The following PDK1 variants were observed in gnomAD, a reference collection of about 807,000 sequenced individuals.
PDK1 encodes [Pyruvate dehydrogenase (acetyl-transferring)] kinase isozyme 1, mitochondrial.
PDK1 carries 39 observed loss-of-function variants against 54.2 expected under a neutral mutation model. That is an observed-to-expected ratio of 0.72 (90% CI 0.56 to 0.94). PDK1 has a LOEUF of 0.94. PDK1 is among the 40% of genes least tolerant of loss of function. The probability of loss-of-function intolerance (pLI) is 0.00; values close to 1 mark genes in which losing one functional copy is unlikely to be tolerated. For missense variants in PDK1, 552 were observed against 566.0 expected (o/e 0.98, Z 0.25); for synonymous variants, 221 against 207.1 (o/e 1.07, Z -0.58).
At chr2:172,640,399 C>T in the PDK1 span, among the ~76,000 whole-genome samples, 1 of 152,146 alleles carries the variant, frequency 6.6e-6, no homozygotes, top group Non-Finnish European at 1.5e-5. Flanking sequence ...CAATACCCAA[C>T]CAAAACTGCC....
chr2:172,616,864 CAA>C, the PDK1 span, among the ~76,000 whole-genome samples: 1 of 152,126 alleles, frequency 6.6e-6, no homozygotes, highest in African/African-American at 2.4e-5. Context: ...AACTTGAAAA[CAA>C]AAGCAGAACA....
chr2:172,685,651 T>C, the PDK1 span, among the ~76,000 whole-genome samples: 1 of 152,194 alleles, frequency 6.6e-6, no homozygotes, highest in African/African-American at 2.4e-5. Flanking sequence ...TAATTGATCA[T>C]TGCAAATATG....
At chr2:172,688,388 A>AT in the PDK1 span, among the ~76,000 whole-genome samples, 1 of 152,032 alleles carries the variant, frequency 6.6e-6, no homozygotes, top group African/African-American at 2.4e-5. Flanking sequence ...ATCCTTAGCA[A>AT]TTAGGTTAAC....
At chr2:172,592,761 A>G (rs564879158) in intron 9 of PDK1, among the ~76,000 whole-genome samples, 174 bp from the exon 10 acceptor site, 2 of 152,354 alleles carry the variant, frequency 1.3e-5, no homozygotes, top group South Asian at 2.1e-4. Flanking sequence ...ACAGTACTCA[A>G]GTAAACCTCA....
intron 8 of PDK1, among the ~76,000 whole-genome samples, chr2:172,574,751 T>C (rs1689484575): frequency 6.6e-6 from 1 of 152,220 alleles, no homozygotes; most frequent in East Asian, 1.9e-4. Context: ...GGAATATAAC[T>C]GATTTTTTTG....
Position 172,600,317 on chromosome 2 carries a change from A to G in PDK1, c.*4348A>G, listed in dbSNP as rs1051916140. On this transcript the variant is annotated 3_prime_UTR_variant, in exon 11 of 11. Coordinates refer to ENST00000282077, the MANE Select transcript of PDK1 (RefSeq NM_002610.5). ...CAGTATGGTATGAAATTATTTGTCC[A>G]AAACTGTACTCCAGAAATGGAGCCC... is the stretch of plus-strand genomic sequence containing the variant. The G allele has an allele frequency of 6.6e-6, 1 of 152,244 alleles. No individual in the cohort carries two copies. Among genetic ancestry groups the G allele is most frequent in the African/African-American group, 2.4e-5 (1 of 41,458 alleles). 9.4% of individuals were successfully genotyped at this position (152,244 alleles called of 1,614,324 possible).
chr2:172,583,924 T>C (rs1364741188), intron 8 of PDK1, among the ~76,000 whole-genome samples: 2 of 152,112 alleles, frequency 1.3e-5, no homozygotes, highest in Admixed American at 1.3e-4. Flanking sequence ...CAATTCAGAT[T>C]CTGTGACAAA....
Position 172,596,053 on chromosome 2 carries a change from G to T in PDK1, c.*84G>T. ...GGTGTTCAGAACTATATTATACCAA[G>T]TACTTTATTTATCGTTTTCACAAAA... On this transcript the variant is annotated 3_prime_UTR_variant, in exon 11 of 11. Coordinates refer to ENST00000282077, the MANE Select transcript of PDK1 (RefSeq NM_002610.5). The T allele has an allele frequency of 1.8e-6, 2 of 1,132,604 alleles. No homozygotes were observed. The highest frequency in any genetic ancestry group is 1.8e-5 in the South Asian group (1 of 54,512). The allele number at this position is 1,132,604 out of a possible 1,614,324, so 70.2% of individuals were successfully genotyped here. A position where few individuals can be genotyped will look rare whatever the true frequency, so the allele number is the denominator to read the frequency against.
At chr2:172,660,231 TTCTCTC>T in the PDK1 span, among the ~76,000 whole-genome samples, 2 of 80,016 alleles carry the variant, frequency 2.5e-5, no homozygotes, top group Non-Finnish European at 4.4e-5. Flanking sequence ...TAAAATTGCT[TTCTCTC>T]TCTCTCTCTC....
chr2:172,590,455 T>C (rs1393546878), intron 9 of PDK1, among the ~76,000 whole-genome samples: 4 of 152,176 alleles, frequency 2.6e-5, no homozygotes, highest in African/African-American at 7.2e-5. Flanking sequence ...GTGGTCTTGC[T>C]TGACCTCAGG....
the PDK1 span, among the ~76,000 whole-genome samples, chr2:172,692,176 G>C: frequency 6.6e-6 from 1 of 152,078 alleles, no homozygotes; most frequent in South Asian, 2.1e-4. Flanking sequence ...CAGATTTCCT[G>C]GCACTGGAAA....
intron 9 of PDK1, among the ~76,000 whole-genome samples, chr2:172,588,821 G>A (rs892010361): frequency 6.6e-6 from 1 of 152,186 alleles, no homozygotes; most frequent in African/African-American, 2.4e-5. Context: ...CACACTGTAA[G>A]TCCGGAGAGG....
chr2:172,700,688 C>T, the PDK1 span, among the ~76,000 whole-genome samples: 11 of 152,216 alleles, frequency 7.2e-5, no homozygotes, highest in Admixed American at 1.3e-4. Flanking sequence ...GCAGAGATCA[C>T]GCCACTGCAC....
chr2:172,622,865 T>TG, the PDK1 span, among the ~76,000 whole-genome samples: 29 of 141,864 alleles, frequency 2.0e-4, no homozygotes, highest in African/African-American at 8.2e-4. Flanking sequence ...ATATGTAATA[T>TG]AATATGATAT....
At chr2:172,680,732 G>A in the PDK1 span, among the ~76,000 whole-genome samples, 1 of 152,062 alleles carries the variant, frequency 6.6e-6, no homozygotes, top group African/African-American at 2.4e-5. Flanking sequence ...TTGAAAACTT[G>A]ACTCCAACAA....
intron 5 of PDK1, among the ~76,000 whole-genome samples, chr2:172,566,422 A>C (rs1237698876): frequency 6.6e-6 from 1 of 151,922 alleles, no homozygotes; most frequent in Non-Finnish European, 1.5e-5. Flanking sequence ...GGGCGTGGTG[A>C]CCCATGCCTA....
At chr2:172,566,966 A>G in intron 6 of PDK1, 33 bp downstream of exon 6, 1 of 1,378,550 alleles carries the variant, frequency 7.3e-7, no homozygotes, top group Non-Finnish European at 1.0e-6. Flanking sequence ...CTCAATAATT[A>G]GTGCTTTGAT....
chr2:172,597,152 G>A lies in PDK1; in HGVS notation c.*1183G>A, dbSNP rs1690940205. Reference sequence around the variant, plus strand: ...GACAGGGTCTCGCTCTTTTGCCCAGGATGGAGTACAGTGGCATGGTCAAGG... The same window carrying A: ...GACAGGGTCTCGCTCTTTTGCCCAGAATGGAGTACAGTGGCATGGTCAAGG... On this transcript the variant is annotated 3_prime_UTR_variant, in exon 11 of 11. Coordinates refer to ENST00000282077, the MANE Select transcript of PDK1 (RefSeq NM_002610.5). 6.6e-6 allele frequency: 1 copy of A among 151,594 alleles called. No individual in the cohort carries two copies. Among genetic ancestry groups the A allele is most frequent in the Non-Finnish European group, 1.5e-5 (1 of 67,974 alleles). The allele number at this position is 151,594 out of a possible 1,614,324, so 9.4% of individuals were successfully genotyped here.
At chr2:172,712,144 T>G in the PDK1 span, among the ~76,000 whole-genome samples, 7 of 152,196 alleles carry the variant, frequency 4.6e-5, no homozygotes, top group Non-Finnish European at 1.0e-4. Context: ...TTGTCTGTTT[T>G]GTTAGAACCC....
Sources: allele counts gnomAD v4.1 joint callset (sites outside exome capture counted in the v4.1 genomes callset), GRCh38; gene constraint gnomAD v4.1.1; transcripts MANE v1.5; gene names NCBI Gene and HGNC (gene_info 2026-07-23, HGNC 2026-07-21).